TRAPPC8: variants seen among roughly 807,000 people sequenced by gnomAD.
TRAPPC8 encodes trafficking protein particle complex subunit 8.
A neutral mutation model predicts 174.3 loss-of-function variants in TRAPPC8; 54 were observed. That is an observed-to-expected ratio of 0.31 (90% CI 0.25 to 0.39). The LOEUF (loss-of-function observed/expected upper bound fraction) is 0.39. Among genes scored for constraint, TRAPPC8 ranks in the 10% least tolerant of loss-of-function variants. The pLI is 1.00. For missense variants in TRAPPC8, 1,531 were observed against 1,699.1 expected (o/e 0.90, Z 1.74); for synonymous variants, 630 against 579.9 (o/e 1.09, Z -1.24).
At chr18:31,890,279 G>T (rs951046630) in intron 12 of TRAPPC8, among the ~76,000 whole-genome samples, 14 of 152,142 alleles carry the variant, frequency 9.2e-5, no homozygotes, top group African/African-American at 3.4e-4. Context: ...TGCTTCAAGA[G>T]ACAACAGACA....
chr18:31,900,874 A>G, intron 10 of TRAPPC8, 51 bp downstream of exon 10: 1 of 1,406,444 alleles, frequency 7.1e-7, no homozygotes, highest in Non-Finnish European at 9.6e-7. Flanking sequence ...AAAAAAAAAG[A>G]ACAAACTGAC....
At chr18:31,844,159 G>C (rs1163185189) in intron 26 of TRAPPC8, among the ~76,000 whole-genome samples, 1 of 152,064 alleles carries the variant, frequency 6.6e-6, no homozygotes, top group African/African-American at 2.4e-5. Flanking sequence ...TAAGTTTTCA[G>C]GTGAAATTTT....
At chr18:31,897,085 A>C (rs1319547478) in intron 11 of TRAPPC8, among the ~76,000 whole-genome samples, 2 of 152,234 alleles carry the variant, frequency 1.3e-5, no homozygotes, top group East Asian at 3.8e-4. Context: ...TTAAAATCCT[A>C]GGATAATTTA....
intron 11 of TRAPPC8, among the ~76,000 whole-genome samples, chr18:31,891,825 T>A (rs1259864959): frequency 1.3e-5 from 2 of 152,316 alleles, no homozygotes; most frequent in Non-Finnish European, 2.9e-5. Flanking sequence ...AGACCATTGA[T>A]TAGCATAAAC....
At chr18:31,927,029 G>C (rs1488195855) in intron 2 of TRAPPC8, among the ~76,000 whole-genome samples, 1 of 152,136 alleles carries the variant, frequency 6.6e-6, no homozygotes, top group Non-Finnish European at 1.5e-5. Context: ...ACAGAAATTG[G>C]TGGGGCAAGG....
intron 11 of TRAPPC8, 191 bp from the exon 12 acceptor site, chr18:31,891,057 G>A (rs959432110): frequency 2.8e-6 from 1 of 353,816 alleles, no homozygotes; most frequent in African/African-American, 2.1e-5. Flanking sequence ...TTTAAGCTTT[G>A]AAAACATCTT....
intron 3 of TRAPPC8, among the ~76,000 whole-genome samples, chr18:31,916,663 G>C (rs2037160703): frequency 6.6e-6 from 1 of 152,094 alleles, no homozygotes; most frequent in Non-Finnish European, 1.5e-5. Context: ...CTCCAGAGTA[G>C]CTGGGATTAT....
intron 19 of TRAPPC8, among the ~76,000 whole-genome samples, chr18:31,858,374 T>C (rs188139043): frequency 3.9e-5 from 6 of 152,332 alleles, no homozygotes; most frequent in Non-Finnish European, 7.3e-5. Context: ...CAACTACTTA[T>C]GTCTATATCA....
At chr18:31,865,119 T>C (rs1369975164) in intron 18 of TRAPPC8, among the ~76,000 whole-genome samples, 1 of 152,064 alleles carries the variant, frequency 6.6e-6, no homozygotes, top group Non-Finnish European at 1.5e-5. Context: ...CAATTTAATT[T>C]AGGCCATGAG....
intron 19 of TRAPPC8, among the ~76,000 whole-genome samples, chr18:31,858,897 G>T (rs1426385200): frequency 6.6e-6 from 1 of 152,108 alleles, no homozygotes; most frequent in Non-Finnish European, 1.5e-5. Context: ...TTGAGCTCAG[G>T]AGTTCAAAAC....
At chr18:31,861,757 T>C (rs1228358206) in intron 19 of TRAPPC8, among the ~76,000 whole-genome samples, 1 of 151,834 alleles carries the variant, frequency 6.6e-6, no homozygotes, top group Admixed American at 6.6e-5. Context: ...GGCAACGTAG[T>C]GAAACCAGTC....
intron 4 of TRAPPC8, among the ~76,000 whole-genome samples, chr18:31,914,154 G>GA (rs2037036567): frequency 4.7e-5 from 6 of 127,624 alleles, no homozygotes; most frequent in African/African-American, 1.2e-4. Context: ...AAAAAAGGAG[G>GA]AAAAACAAGA....
At chr18:31,941,930 T>A (rs1180517277) in intron 1 of TRAPPC8, among the ~76,000 whole-genome samples, 1 of 152,192 alleles carries the variant, frequency 6.6e-6, no homozygotes, top group Non-Finnish European at 1.5e-5. Context: ...AGAAGACATT[T>A]CCATCCCTAT....
At chr18:31,922,682 A>G (rs1006755402) in intron 2 of TRAPPC8, among the ~76,000 whole-genome samples, 1 of 151,924 alleles carries the variant, frequency 6.6e-6, no homozygotes, top group African/African-American at 2.4e-5. Context: ...CCATCTCTAC[A>G]TGTTCTTTCT....
chr18:31,870,590 T>C lies in TRAPPC8; in HGVS notation c.2258-88A>G, dbSNP rs1488361679. 1.1e-5 allele frequency: 16 copies of C among 1,399,336 alleles called. No homozygotes were observed. In the South Asian group the frequency reaches 1.2e-4, roughly 11 times the overall value. The allele number at this position is 1,399,336 out of a possible 1,614,324, so 86.7% of individuals were successfully genotyped here. On this transcript the variant is annotated intron_variant, in intron 15 of 28. Coordinates refer to ENST00000283351, the MANE Select transcript of TRAPPC8 (RefSeq NM_014939.5). ...ATCTTCTAAATGCATCTTGCTTTCA[T>C]AGCTCTGCATTTCTGCCTAGACTGT...
Position 31,853,130 on chromosome 18 carries a change from GT to G in TRAPPC8, c.3434-468del, listed in dbSNP as rs1439263290. Among the ~76,000 whole-genome samples, 34 of 152,260 alleles carry G rather than the reference GT, an allele frequency of 2.2e-4. 1 individual carries two copies. The highest frequency in any genetic ancestry group is 1.7e-3 in the Admixed American group (26 of 15,290). On this transcript the variant is annotated intron_variant, in intron 22 of 28. Transcript: ENST00000283351. ...CTGGTACACATTCTTTTGTTTGAAT[GT>G]TATATAAACATGACAATTCACAGAA... is the stretch of plus-strand genomic sequence containing the variant.
chr18:31,919,742 T>C (rs2037306433), intron 2 of TRAPPC8, among the ~76,000 whole-genome samples: 1 of 151,712 alleles, frequency 6.6e-6, no homozygotes, highest in South Asian at 2.1e-4. Context: ...ATGCCTGTAG[T>C]CCCAGCTACT....
At chr18:31,836,945 G>T (rs2032773601) in intron 27 of TRAPPC8, among the ~76,000 whole-genome samples, 1 of 151,912 alleles carries the variant, frequency 6.6e-6, no homozygotes, top group South Asian at 2.1e-4. Flanking sequence ...TGTATTTTTA[G>T]TAGAGATGGG....
chr18:31,934,239 G>A lies in TRAPPC8; in HGVS notation c.158-2716C>T, dbSNP rs7234585. Among the ~76,000 whole-genome samples, 1,357 of 150,842 alleles carry A rather than the reference G, an allele frequency of 9.0e-3. 20 individuals carry two copies. The highest frequency in any genetic ancestry group is 0.03 in the African/African-American group (1,249 of 41,248). ...TGATAGTGGTTGCCTATAAAAGGAA[G>A]GAAAGAAAAGAGACTAAGATAAGGT... On this transcript the variant is annotated intron_variant, in intron 1 of 28. Transcript: ENST00000283351.
Sources: gnomAD v4.1 joint callset for allele counts (sites outside exome capture counted in the v4.1 genomes callset) on GRCh38, gnomAD v4.1.1 for gene constraint, MANE v1.5 for transcripts, NCBI Gene and HGNC (gene_info 2026-07-23, HGNC 2026-07-21) for gene names.